The following MARCHF1 variants were observed in gnomAD, a reference collection of about 807,000 sequenced individuals.
MARCHF1 encodes the protein E3 ubiquitin-protein ligase MARCHF1.
A neutral mutation model predicts 54.2 loss-of-function variants in MARCHF1; 40 were observed. That is an observed-to-expected ratio of 0.74 (90% CI 0.57 to 0.96). The LOEUF is 0.96. MARCHF1 is among the 40% of genes least tolerant of loss of function. The probability of loss-of-function intolerance (pLI) is 0.00; values close to 1 mark genes in which losing one functional copy is unlikely to be tolerated. For synonymous variants in MARCHF1, 236 were observed against 236.3 expected (o/e 1.00, Z 0.01); for missense variants, 586 against 656.5 (o/e 0.89, Z 1.17).
chr4:163,633,687 G>A (rs889655471), intron 5 of MARCHF1, among the ~76,000 whole-genome samples: 16 of 152,136 alleles, frequency 1.1e-4, no homozygotes, highest in Non-Finnish European at 2.2e-4. Context: ...ATATTATCCA[G>A]GAGAACTTCC....
At chr4:164,018,068 T>A (rs1279177887) in intron 2 of MARCHF1, among the ~76,000 whole-genome samples, 3 of 151,948 alleles carry the variant, frequency 2.0e-5, no homozygotes. Flanking sequence ...ATATATTTTT[T>A]AAACCAAATG....
At chr4:164,268,689 T>C (rs773099460) in intron 1 of MARCHF1, among the ~76,000 whole-genome samples, 100 of 152,314 alleles carry the variant, frequency 6.6e-4, no homozygotes, top group Middle Eastern at 3.4e-3. Flanking sequence ...ACATAGGATG[T>C]CTTCTGTTTT....
intron 1 of MARCHF1, among the ~76,000 whole-genome samples, chr4:164,319,352 G>C (rs1477838858): frequency 1.3e-5 from 2 of 151,836 alleles, no homozygotes; most frequent in East Asian, 3.9e-4. Flanking sequence ...TATCCACAGG[G>C]GTCCTGGAAC....
chr4:163,611,247 A>T (rs1359456206), intron 7 of MARCHF1, among the ~76,000 whole-genome samples: 2 of 152,084 alleles, frequency 1.3e-5, no homozygotes, highest in Admixed American at 6.6e-5. Flanking sequence ...ATGAATGAGG[A>T]TTTTATGAAT....
At chr4:163,848,641 G>A (rs1034781458) in intron 4 of MARCHF1, among the ~76,000 whole-genome samples, 1 of 152,050 alleles carries the variant, frequency 6.6e-6, no homozygotes, top group Non-Finnish European at 1.5e-5. Context: ...TGTTTTTAAT[G>A]AGTAAAATTG....
chr4:163,607,137 T>C (rs1231185257), intron 7 of MARCHF1, among the ~76,000 whole-genome samples: 1 of 152,126 alleles, frequency 6.6e-6, no homozygotes, highest in African/African-American at 2.4e-5. Flanking sequence ...TGAAGCCATC[T>C]GTATACTTTG....
At chr4:163,594,533 T>C (rs1240934940) in intron 7 of MARCHF1, among the ~76,000 whole-genome samples, 4 of 146,856 alleles carry the variant, frequency 2.7e-5, no homozygotes, top group African/African-American at 1.0e-4. Context: ...CTAACTTTAA[T>C]TGTATTTAGT....
chr4:163,906,760 A>G (rs1751077104), intron 3 of MARCHF1, among the ~76,000 whole-genome samples: 1 of 151,886 alleles, frequency 6.6e-6, no homozygotes. Context: ...TGACATAGAC[A>G]ATTTAAGAAA....
At chr4:164,296,396 C>G (rs928093846) in intron 1 of MARCHF1, among the ~76,000 whole-genome samples, 1 of 151,946 alleles carries the variant, frequency 6.6e-6, no homozygotes, top group African/African-American at 2.4e-5. Flanking sequence ...TTCTGGAGAG[C>G]GAGTCTCGCT....
chr4:164,240,058 A>G (rs1732692452), intron 1 of MARCHF1, among the ~76,000 whole-genome samples: 1 of 152,220 alleles, frequency 6.6e-6, no homozygotes, highest in Non-Finnish European at 1.5e-5. Flanking sequence ...AAGCATTGAC[A>G]TAAACTGGAC....
At chr4:164,092,409 G>A (rs1010308673) in intron 2 of MARCHF1, among the ~76,000 whole-genome samples, 1 of 152,142 alleles carries the variant, frequency 6.6e-6, no homozygotes, top group Admixed American at 6.6e-5. Context: ...TTCAGTGGCA[G>A]CTAGCCTGAC....
intron 3 of MARCHF1, among the ~76,000 whole-genome samples, chr4:163,869,014 T>A (rs190657839): frequency 1.7e-4 from 23 of 136,192 alleles, no homozygotes; most frequent in Admixed American, 1.4e-3. Context: ...TGTCTAACAG[T>A]CTCTTTAAAT....
chr4:164,016,179 G>T (rs2110955452), intron 2 of MARCHF1, among the ~76,000 whole-genome samples: 1 of 152,270 alleles, frequency 6.6e-6, no homozygotes, highest in Middle Eastern at 3.4e-3. Context: ...AGGTTTAATT[G>T]ACTCAGTTCC....
At chr4:163,668,038 G>T (rs1429220543) in intron 5 of MARCHF1, among the ~76,000 whole-genome samples, 1 of 152,148 alleles carries the variant, frequency 6.6e-6, no homozygotes, top group African/African-American at 2.4e-5. Context: ...ATCACAATCT[G>T]CCAGCTATTT....
intron 5 of MARCHF1, among the ~76,000 whole-genome samples, chr4:163,646,831 CA>C (rs1317600254): frequency 1.2e-4 from 18 of 151,746 alleles, no homozygotes; most frequent in Admixed American, 1.1e-3. Flanking sequence ...AGGAAGATAG[CA>C]AGAGAGGAAG....
At chr4:163,805,280 T>G (rs17044179) in intron 4 of MARCHF1, among the ~76,000 whole-genome samples, 1,597 of 152,240 alleles carry the variant, frequency 0.01, 37 homozygotes, top group African/African-American at 0.037. Context: ...TTTTTCTTTA[T>G]AAGAATGCCA....
chr4:163,731,730 G>A (rs184969266), intron 4 of MARCHF1, among the ~76,000 whole-genome samples: 48 of 152,258 alleles, frequency 3.2e-4, no homozygotes, highest in African/African-American at 1.1e-3. Flanking sequence ...AGGATTAGTA[G>A]ACACATTGTC....
chr4:163,835,097 G>A, intron 4 of MARCHF1, among the ~76,000 whole-genome samples: 1 of 152,080 alleles, frequency 6.6e-6, no homozygotes, highest in East Asian at 1.9e-4. Context: ...TGTCCAGGCT[G>A]ATCTCAAATT....
chr4:163,591,868 G>T (rs893864763), intron 7 of MARCHF1, among the ~76,000 whole-genome samples: 2 of 152,138 alleles, frequency 1.3e-5, no homozygotes, highest in African/African-American at 4.8e-5. Flanking sequence ...TATCTGAGCA[G>T]CAGAGGAAGT....
Sources: gnomAD v4.1 joint callset for allele counts (sites outside exome capture counted in the v4.1 genomes callset) on GRCh38, gnomAD v4.1.1 for gene constraint, MANE v1.5 for transcripts, NCBI Gene and HGNC (gene_info 2026-07-23, HGNC 2026-07-21) for gene names.